Variants in KLHL1 observed in about 807,000 individuals in gnomAD.
The protein encoded by KLHL1 is kelch like family member 1.
Under a neutral mutation model 77.7 loss-of-function variants are expected in KLHL1, and 47 were observed. The observed-to-expected ratio is 0.60, with a 90% CI of 0.48 to 0.77. KLHL1 has a LOEUF of 0.77. KLHL1 is among the 30% of genes least tolerant of loss of function. The pLI is 0.00. For missense variants in KLHL1, 925 were observed against 910.8 expected, an observed-to-expected ratio of 1.02 and a Z score of -0.20; for synonymous variants, 360 against 325.2, an observed-to-expected ratio of 1.11 and a Z score of -1.15.
chr13:69,843,961 GATTA>G (rs1195383650), intron 5 of KLHL1, among the ~76,000 whole-genome samples: 3 of 151,464 alleles, frequency 2.0e-5, no homozygotes, highest in Non-Finnish European at 3.0e-5. Context: ...TAATGTTATT[GATTA>G]ATTAATGATA....
rs144951866 is a variant in KLHL1 at position 69,994,820 on chromosome 13, A to T, written c.498-19018T>A. On this transcript the variant is annotated intron_variant, in intron 1 of 10. Transcript: ENST00000377844. ...AATACTGTAGAGGAAAAATTTTTTT[A>T]AAAAATACTAATATATATGGCAATT... Among the ~76,000 whole-genome samples, 926 of 152,172 alleles carry T rather than the reference A, an allele frequency of 6.1e-3. 8 individuals carry two copies. Among genetic ancestry groups the T allele is most frequent in the African/African-American group, 0.017 (696 of 41,558 alleles).
chr13:69,997,290 T>G (rs1016365569), intron 1 of KLHL1, among the ~76,000 whole-genome samples: 1 of 151,948 alleles, frequency 6.6e-6, no homozygotes, highest in Non-Finnish European at 1.5e-5. Context: ...TTTTTATTTT[T>G]AATTAGTTAA....
rs541251663 is a variant in KLHL1, at chr13:69,929,365, TA to T, written c.1014+10674del. On this transcript the variant is annotated intron_variant, in intron 4 of 10. Transcript: ENST00000377844. ...ACGCCTTCAGTAATTGGGAAGATAA[TA>T]AAAAAATTTAAATAATTGAGGTAAA... Among the ~76,000 whole-genome samples the T allele has an allele frequency of 3.6e-3, 544 of 151,992 alleles. 7 individuals are homozygous for T. The highest frequency in any genetic ancestry group is 0.012 in the African/African-American group (517 of 41,522).
At chr13:69,913,850 A>G (rs1469695242) in intron 4 of KLHL1, among the ~76,000 whole-genome samples, 1 of 151,928 alleles carries the variant, frequency 6.6e-6, no homozygotes, top group Non-Finnish European at 1.5e-5. Flanking sequence ...TGAAGGATGC[A>G]AAGTACTTTT....
intron 1 of KLHL1, among the ~76,000 whole-genome samples, chr13:70,085,990 G>A (rs1051615549): frequency 2.6e-5 from 4 of 152,118 alleles, no homozygotes; most frequent in Non-Finnish European, 4.4e-5. Flanking sequence ...TTCTCGTTAC[G>A]TATGTTTTAA....
At chr13:70,072,960 G>C (rs1034060447) in intron 1 of KLHL1, among the ~76,000 whole-genome samples, 2 of 152,054 alleles carry the variant, frequency 1.3e-5, no homozygotes, top group Admixed American at 6.5e-5. Flanking sequence ...AATGAAATAA[G>C]AGAAGAAAAA....
intron 4 of KLHL1, among the ~76,000 whole-genome samples, chr13:69,886,695 A>G (rs1246182342): frequency 6.6e-6 from 1 of 152,142 alleles, no homozygotes; most frequent in Admixed American, 6.6e-5. Flanking sequence ...AATTTTGTTT[A>G]CTTCATGAGC....
At chr13:69,960,768 C>T (rs865820112) in intron 3 of KLHL1, among the ~76,000 whole-genome samples, 14 of 151,426 alleles carry the variant, frequency 9.2e-5, no homozygotes, top group African/African-American at 1.9e-4. Context: ...ACTAATAACA[C>T]GATACAAAGA....
chr13:69,975,846 G>A (rs201450783), intron 1 of KLHL1, 44 bp from the exon 2 acceptor site: 15 of 1,468,676 alleles, frequency 1.0e-5, no homozygotes, highest in South Asian at 3.0e-5. Flanking sequence ...AATAATAAAG[G>A]GATTTATAAA....
intron 1 of KLHL1, among the ~76,000 whole-genome samples, chr13:70,103,769 T>C (rs550533406): frequency 4.7e-4 from 72 of 152,222 alleles, no homozygotes; most frequent in African/African-American, 1.7e-3. Flanking sequence ...TGAAATACAG[T>C]AGAAGGAAAT....
At chr13:69,778,938 A>G (rs1875979974) in intron 7 of KLHL1, among the ~76,000 whole-genome samples, 1 of 151,646 alleles carries the variant, frequency 6.6e-6, no homozygotes, top group South Asian at 2.1e-4. Flanking sequence ...AGTTGGGACT[A>G]CAGGCACACG....
intron 1 of KLHL1, among the ~76,000 whole-genome samples, chr13:70,037,449 T>C (rs1332668034): frequency 1.3e-5 from 2 of 152,136 alleles, no homozygotes; most frequent in African/African-American, 4.8e-5. Flanking sequence ...AGGGTCTTCC[T>C]TCTGTCTTTG....
Position 70,074,549 on chromosome 13 carries a change from G to A in KLHL1, c.497+32654C>T, listed in dbSNP as rs148389449. 1.1e-3 allele frequency among the ~76,000 whole-genome samples: 168 copies of A among 151,740 alleles called. 1 individual carries two copies. In the East Asian group the frequency reaches 0.028, roughly 25 times the overall value. Reference sequence around the variant, plus strand: ...TCCAAAGGGGACACAGGTATTAGATGCAAAAAAGAGATCCTTCATCAAATA... The same window carrying A: ...TCCAAAGGGGACACAGGTATTAGATACAAAAAAGAGATCCTTCATCAAATA... On this transcript the variant is annotated intron_variant, in intron 1 of 10. Transcript: ENST00000377844.
Position 69,740,386 on chromosome 13 carries a change from T to A in KLHL1, c.1802+8A>T. ...TAAGATTAAAAAATAAGAAAAAAAT[T>A]TACTTACTTGCCATTCAATGCTGCT... On this transcript the variant is annotated splice_region_variant and intron_variant, in intron 8 of 10. Coordinates refer to ENST00000377844, the MANE Select transcript of KLHL1 (RefSeq NM_020866.3). 3.9e-6 allele frequency: 6 copies of A among 1,525,662 alleles called. No individual in the cohort carries two copies. Among genetic ancestry groups the A allele is most frequent in the Non-Finnish European group, 5.3e-6 (6 of 1,128,474 alleles). 94.5% of individuals were successfully genotyped at this position (1,525,662 alleles called of 1,614,324 possible).
chr13:70,024,642 C>CTTTCTT (rs1454526084), intron 1 of KLHL1, among the ~76,000 whole-genome samples: 1 of 147,378 alleles, frequency 6.8e-6, no homozygotes, highest in Admixed American at 6.8e-5. Flanking sequence ...CTCTCTCTCT[C>CTTTCTT]TCTCTCTCTC....
intron 1 of KLHL1, among the ~76,000 whole-genome samples, chr13:70,087,041 G>A (rs1160608232): frequency 6.6e-6 from 1 of 152,104 alleles, no homozygotes; most frequent in Non-Finnish European, 1.5e-5. Context: ...GGCAAGACTA[G>A]AACCAGAGAA....
intron 6 of KLHL1, among the ~76,000 whole-genome samples, chr13:69,814,556 A>G (rs1309750736): frequency 6.6e-6 from 1 of 152,166 alleles, no homozygotes; most frequent in Non-Finnish European, 1.5e-5. Context: ...ATCAACAAGT[A>G]AAGTTAAAAA....
chr13:69,821,525 G>A (rs987913487), intron 6 of KLHL1, among the ~76,000 whole-genome samples: 3 of 152,016 alleles, frequency 2.0e-5, no homozygotes, highest in Non-Finnish European at 4.4e-5. Flanking sequence ...ATGTTGGCCA[G>A]GCTGGTCTCG....
intron 6 of KLHL1, among the ~76,000 whole-genome samples, chr13:69,811,843 C>CA (rs1306001155): frequency 1.3e-5 from 2 of 152,042 alleles, no homozygotes; most frequent in East Asian, 3.9e-4. Flanking sequence ...TTGATGTTTT[C>CA]AAAAAACCAG....
Sources: allele counts gnomAD v4.1 joint callset (sites outside exome capture counted in the v4.1 genomes callset), GRCh38; gene constraint gnomAD v4.1.1; transcripts MANE v1.5; gene names NCBI Gene and HGNC (gene_info 2026-07-23, HGNC 2026-07-21).